Variants in SLC38A11 observed in about 807,000 individuals in gnomAD.
SLC38A11 encodes putative sodium-coupled neutral amino acid transporter 11.
A neutral mutation model predicts 49.4 loss-of-function variants in SLC38A11; 51 were observed. The observed-to-expected ratio is 1.03, with a 90% CI of 0.83 to 1.30. The LOEUF (loss-of-function observed/expected upper bound fraction) is 1.30. Ranked by LOEUF, SLC38A11 falls within the 50% of genes most tolerant of loss-of-function variation. The probability of loss-of-function intolerance (pLI) is 0.00; values close to 1 mark genes in which losing one functional copy is unlikely to be tolerated. For synonymous variants in SLC38A11, 203 were observed against 192.9 expected (o/e 1.05, Z -0.43); for missense variants, 574 against 556.2 (o/e 1.03, Z -0.32).
At chr2:164,949,769 C>T (rs1688394170) in intron 3 of SLC38A11, among the ~76,000 whole-genome samples, 1 of 152,144 alleles carries the variant, frequency 6.6e-6, no homozygotes, top group African/African-American at 2.4e-5. Flanking sequence ...ATTCTCTCTC[C>T]CTGGGTAACA....
At chr2:164,937,829 T>TTCTA (rs1184768979) in intron 6 of SLC38A11, 1 of 155,018 alleles carries the variant, frequency 6.5e-6, no homozygotes, top group African/African-American at 2.4e-5. Flanking sequence ...TAATTGCTGC[T>TTCTA]TCTACTTGTC....
intron 3 of SLC38A11, among the ~76,000 whole-genome samples, chr2:164,947,401 G>A (rs1688209777): frequency 6.6e-6 from 1 of 151,820 alleles, no homozygotes; most frequent in African/African-American, 2.4e-5. Flanking sequence ...CAAATTGCTG[G>A]GATTACAGGC....
rs865813352 is a variant in SLC38A11, at chr2:164,929,710, T to C, written c.617+7640A>G. On this transcript the variant is annotated intron_variant, in intron 7 of 11. Transcript: ENST00000685975. ...ACTTACAGTTAAGGGAAGTAAATTC[T>C]CTTTTGCTTCAACCAGTTAAGGTTC... 2.6e-5 allele frequency among the ~76,000 whole-genome samples: 4 copies of C among 152,188 alleles called. No homozygotes were observed. In the South Asian group the frequency reaches 8.3e-4, roughly 31 times the overall value.
chr2:164,926,183 C>T (rs1686569137), intron 7 of SLC38A11, among the ~76,000 whole-genome samples: 1 of 152,128 alleles, frequency 6.6e-6, no homozygotes, highest in African/African-American at 2.4e-5. Flanking sequence ...GAAGAGAAGT[C>T]CAATTAAAAT....
In SLC38A11 at chr2:164,898,719, A is replaced by T; in HGVS notation, c.1107T>A (p.Cys369Ter). Residue 369 changes from cysteine to a stop codon, truncating the protein, a stop_gained, in exon 12 of 12, where the codon TGT becomes TGA. Transcript: ENST00000685975. LOFTEE classifies it high-confidence loss of function. The part of the protein sequence containing the change: ...GIVLELNGVL[C>*]ATPLIFIIPS... ...GAATGATAAAAATGAGGGGAGTTGCACAGAGCACACCCTGCATGTTGAAAA... is the reference window on the plus strand; with the variant it reads ...GAATGATAAAAATGAGGGGAGTTGCTCAGAGCACACCCTGCATGTTGAAAA... 6.2e-7 allele frequency: 1 copy of T among 1,612,936 alleles called. No homozygotes were observed. The highest frequency in any genetic ancestry group is 8.5e-7 in the Non-Finnish European group (1 of 1,179,278).
intron 10 of SLC38A11, among the ~76,000 whole-genome samples, chr2:164,909,641 T>C (rs545270566): frequency 9.9e-5 from 15 of 151,468 alleles, no homozygotes; most frequent in Non-Finnish European, 1.8e-4. Context: ...GGAGCAGAAT[T>C]ATAGGCTGAG....
At position 164,939,469 on chromosome 2, in the gene SLC38A11, T is replaced by C. The variant is rs993326731; in HGVS notation, c.518A>G (p.Asn173Ser). The C allele has an allele frequency of 6.2e-7, 1 of 1,607,316 alleles. No individual in the cohort carries two copies. Among genetic ancestry groups the C allele is most frequent in the South Asian group, 1.1e-5 (1 of 90,234 alleles). ...TFTLPLSLYR[N>S]IAKLGKVSLI... is the part of the protein sequence containing the mutation. ...AATTACCTTTCCAAGCTTTGCTATA[T>C]TTCGGTACAAGGATAAAGGCAGAGT... Residue 173 changes from asparagine (N) to serine (S), a missense_variant, in exon 6 of 12, where the codon AAT becomes AGT. By Grantham distance (46) the Asn-to-Ser change is conservative (BLOSUM62 1). Transcript: ENST00000685975.
intron 7 of SLC38A11, among the ~76,000 whole-genome samples, chr2:164,932,566 G>T (rs531582652): frequency 1.3e-5 from 2 of 152,026 alleles, no homozygotes; most frequent in African/African-American, 4.8e-5. Flanking sequence ...GCCATAAAAA[G>T]ATCATGTCCT....
intron 7 of SLC38A11, among the ~76,000 whole-genome samples, chr2:164,932,310 T>C (rs1189095646): frequency 1.3e-5 from 2 of 152,068 alleles, no homozygotes; most frequent in African/African-American, 2.4e-5. Flanking sequence ...ACACCATTGG[T>C]GGGAGTGTAA....
In SLC38A11 at chr2:164,954,334, C is replaced by T. The variant is rs186965587; in HGVS notation, c.154+297G>A. The stretch of plus-strand genomic sequence containing the variant: ...ATTCGGTAACACTAGCAATCAACCA[C>T]GCAGCCTACAGAAAAATGATTCACC... On this transcript the variant is annotated intron_variant, in intron 2 of 11. Coordinates refer to ENST00000685975, the MANE Select transcript of SLC38A11 (RefSeq NM_001351537.2). Among the ~76,000 whole-genome samples the T allele has an allele frequency of 2.2e-4, 34 of 152,228 alleles. No individual in the cohort carries two copies. The East Asian group carries it at 6.6e-3, about 29-fold the overall frequency.
chr2:164,907,847 A>G (rs1030916603), intron 11 of SLC38A11: 1 of 152,208 alleles, frequency 6.6e-6, no homozygotes, highest in African/African-American at 2.4e-5. Flanking sequence ...GCTTATTCAC[A>G]GGCCAAAAAA....
intron 7 of SLC38A11, among the ~76,000 whole-genome samples, chr2:164,925,452 T>C (rs1686504720): frequency 6.6e-6 from 1 of 152,154 alleles, no homozygotes. Flanking sequence ...TCTACTTGGA[T>C]TGTGCTTCTC....
intron 3 of SLC38A11, among the ~76,000 whole-genome samples, chr2:164,952,321 C>T (rs1688577820): frequency 1.3e-5 from 2 of 152,156 alleles, no homozygotes; most frequent in African/African-American, 4.8e-5. Flanking sequence ...CCTCCACAAA[C>T]AACAGCTGAA....
intron 7 of SLC38A11, among the ~76,000 whole-genome samples, chr2:164,935,456 G>C (rs1192121348): frequency 6.7e-6 from 1 of 150,342 alleles, no homozygotes; most frequent in Non-Finnish European, 1.5e-5. Flanking sequence ...GATTGTTTGA[G>C]GTCAGGAGTT....
chr2:164,907,243 C>CATCCATTT (rs1685070416), intron 11 of SLC38A11, among the ~76,000 whole-genome samples: 2 of 150,570 alleles, frequency 1.3e-5, no homozygotes, highest in South Asian at 4.2e-4. Flanking sequence ...TTTGGGAATC[C>CATCCATTT]ATCCATTTCC....
At chr2:164,954,973 C>T (rs1264344353) in intron 1 of SLC38A11, among the ~76,000 whole-genome samples, 2 of 151,884 alleles carry the variant, frequency 1.3e-5, no homozygotes, top group African/African-American at 4.8e-5. Flanking sequence ...ATTACAGCTG[C>T]CCCAGCTGCT....
intron 7 of SLC38A11, among the ~76,000 whole-genome samples, chr2:164,926,779 C>T (rs897336490): frequency 2.0e-5 from 3 of 148,424 alleles, no homozygotes; most frequent in Admixed American, 6.9e-5. Context: ...AATCAAACAC[C>T]GCATGTTCTC....
intron 3 of SLC38A11, among the ~76,000 whole-genome samples, chr2:164,952,351 G>A (rs963135371): frequency 2.0e-5 from 3 of 152,122 alleles, no homozygotes; most frequent in African/African-American, 4.8e-5. Flanking sequence ...TCATTCACAC[G>A]CACCTGCCCA....
chr2:164,920,757 C>A (rs1447799394), intron 7 of SLC38A11, among the ~76,000 whole-genome samples: 2 of 151,744 alleles, frequency 1.3e-5, no homozygotes, highest in Non-Finnish European at 2.9e-5. Flanking sequence ...GATCTGGGAT[C>A]ATGGATAGAG....
Sources: allele counts gnomAD v4.1 joint callset (sites outside exome capture counted in the v4.1 genomes callset), GRCh38; gene constraint gnomAD v4.1.1; transcripts MANE v1.5; gene names NCBI Gene and HGNC (gene_info 2026-07-23, HGNC 2026-07-21).